Variants in PDE11A observed in about 807,000 individuals in gnomAD.
The protein encoded by PDE11A is dual 3',5'-cyclic-AMP and -GMP phosphodiesterase 11A.
Under a neutral mutation model 100.5 loss-of-function variants are expected in PDE11A, and 100 were observed. That is an observed-to-expected ratio of 1.00 (90% CI 0.85 to 1.18). PDE11A has a LOEUF of 1.18. PDE11A is among the 50% of genes most tolerant of loss of function. The pLI is 0.00. For synonymous variants in PDE11A, 381 were observed against 420.8 expected (o/e 0.91, Z 1.16); for missense variants, 1,141 against 1,152.6 (o/e 0.99, Z 0.15).
chr2:177,835,604 C>T (rs1176836024), intron 6 of PDE11A, among the ~76,000 whole-genome samples: 3 of 152,214 alleles, frequency 2.0e-5, no homozygotes, highest in Admixed American at 6.5e-5. Flanking sequence ...TGCTGCTGCA[C>T]TGTGGGAGCC....
chr2:177,747,446 T>G (rs915386260), intron 10 of PDE11A, among the ~76,000 whole-genome samples: 1 of 152,196 alleles, frequency 6.6e-6, no homozygotes, highest in African/African-American at 2.4e-5. Context: ...ACACTTCACC[T>G]CTACATAGAA....
intron 2 of PDE11A, among the ~76,000 whole-genome samples, chr2:177,909,404 C>T (rs986172411): frequency 6.6e-6 from 1 of 152,116 alleles, no homozygotes; most frequent in East Asian, 1.9e-4. Context: ...AAGAGCCGCC[C>T]GACTGCCTTC....
chr2:178,022,269 A>G (rs559574177), intron 1 of PDE11A, among the ~76,000 whole-genome samples: 1 of 152,310 alleles, frequency 6.6e-6, no homozygotes, highest in Non-Finnish European at 1.5e-5. Flanking sequence ...TGTGAAAGTT[A>G]GAGAAGTGAA....
chr2:177,845,428 C>A (rs1040234766), intron 5 of PDE11A, among the ~76,000 whole-genome samples: 24 of 143,934 alleles, frequency 1.7e-4, no homozygotes, highest in Admixed American at 1.6e-3. Flanking sequence ...ACATCTCAGA[C>A]GATGGGCGGC....
chr2:177,758,683 A>T (rs916894015), intron 10 of PDE11A, among the ~76,000 whole-genome samples: 1 of 152,104 alleles, frequency 6.6e-6, no homozygotes. Flanking sequence ...TGACCTGCTG[A>T]CCTCCAGATG....
At chr2:177,677,114 T>C (rs951250325) in intron 16 of PDE11A, among the ~76,000 whole-genome samples, 1 of 152,220 alleles carries the variant, frequency 6.6e-6, no homozygotes, top group African/African-American at 2.4e-5. Context: ...TTAGGTTCTG[T>C]CCAGTTGATA....
chr2:177,911,521 C>T (rs2105743242), intron 2 of PDE11A, among the ~76,000 whole-genome samples: 1 of 152,252 alleles, frequency 6.6e-6, no homozygotes, highest in East Asian at 1.9e-4. Flanking sequence ...CCTTTTTCCA[C>T]CAGTGTTCCG....
rs1351421376 is a variant in PDE11A at position 177,624,367 on chromosome 2, G to T, written c.*5040C>A. On this transcript the variant is annotated 3_prime_UTR_variant, in exon 20 of 20. Transcript: ENST00000286063. ...GAAATTGTTTCACACTATTACTGGA[G>T]ATGAAACTGGTTTTTGTCTTTCTGC... is the stretch of plus-strand genomic sequence containing the variant. 1.3e-5 allele frequency: 2 copies of T among 151,782 alleles called. No homozygotes were observed. The highest frequency in any genetic ancestry group is 2.9e-5 in the Non-Finnish European group (2 of 67,974). 9.4% of individuals were successfully genotyped at this position (151,782 alleles called of 1,614,324 possible).
intron 2 of PDE11A, among the ~76,000 whole-genome samples, chr2:177,924,426 CTAACTCTTGCAAGTTAG>C (rs1243415958): frequency 1.3e-5 from 2 of 152,212 alleles, no homozygotes; most frequent in Non-Finnish European, 2.9e-5. Context: ...CTCTGGCAGA[CTAACTCTTGCAAGTTAG>C]TTTGATTCCA....
At chr2:177,817,000 G>T in intron 8 of PDE11A, 79 bp from the exon 9 acceptor site, 1 of 812,232 alleles carries the variant, frequency 1.2e-6, no homozygotes, top group South Asian at 1.3e-5. Context: ...GCAGCCACCA[G>T]GGATGGGTCT....
intron 9 of PDE11A, among the ~76,000 whole-genome samples, chr2:177,770,557 T>C (rs1452034576): frequency 6.6e-6 from 1 of 151,074 alleles, no homozygotes; most frequent in Non-Finnish European, 1.5e-5. Flanking sequence ...TTTCTTTTTC[T>C]TCCTTCATGG....
chr2:177,666,444 ACT>A (rs766433661), intron 18 of PDE11A, among the ~76,000 whole-genome samples: 3 of 152,274 alleles, frequency 2.0e-5, no homozygotes, highest in Non-Finnish European at 4.4e-5. Flanking sequence ...TCATATGGTA[ACT>A]CTGTTTAACT....
chr2:177,977,645 A>C (rs1407880088), intron 2 of PDE11A, among the ~76,000 whole-genome samples: 1 of 106,680 alleles, frequency 9.4e-6, no homozygotes, highest in African/African-American at 4.1e-5. Flanking sequence ...ATCCTAAGCC[A>C]AAAGAACAAA....
intron 5 of PDE11A, among the ~76,000 whole-genome samples, chr2:177,855,496 C>A (rs574449602): frequency 1.3e-5 from 2 of 151,892 alleles, no homozygotes; most frequent in African/African-American, 2.4e-5. Flanking sequence ...TTTTAATTTA[C>A]CTTATTTGCA....
chr2:177,840,509 T>C (rs918397398), intron 5 of PDE11A, 126 bp from the exon 6 acceptor site: 43 of 815,810 alleles, frequency 5.3e-5, no homozygotes, highest in Non-Finnish European at 8.5e-5. Context: ...GTGACATTAG[T>C]CACAGAACAA....
intron 3 of PDE11A, 130 bp from the exon 4 acceptor site, chr2:177,898,328 T>G: frequency 6.0e-6 from 4 of 668,394 alleles, no homozygotes; most frequent in Non-Finnish European, 1.0e-5. Context: ...TTAAAAAATT[T>G]TATGATTGTT....
intron 2 of PDE11A, among the ~76,000 whole-genome samples, chr2:177,906,177 A>G (rs866852197): frequency 9.3e-5 from 14 of 151,154 alleles, no homozygotes; most frequent in African/African-American, 2.9e-4. Flanking sequence ...ACACACACAC[A>G]CACGCACGCA....
chr2:177,959,815 G>A (rs1384441488), intron 2 of PDE11A, among the ~76,000 whole-genome samples: 1 of 152,146 alleles, frequency 6.6e-6, no homozygotes, highest in Non-Finnish European at 1.5e-5. Flanking sequence ...AAGTATTGGT[G>A]AGAAGGTTAT....
At chr2:177,770,745 A>C (rs1238051365) in intron 9 of PDE11A, among the ~76,000 whole-genome samples, 2 of 152,238 alleles carry the variant, frequency 1.3e-5, no homozygotes, top group Admixed American at 1.3e-4. Context: ...GTGGCATTTT[A>C]TAAGGCATAT....
Sources: gnomAD v4.1 joint callset for allele counts (sites outside exome capture counted in the v4.1 genomes callset) on GRCh38, gnomAD v4.1.1 for gene constraint, MANE v1.5 for transcripts, NCBI Gene and HGNC (gene_info 2026-07-23, HGNC 2026-07-21) for gene names.